Variants in EXT1 observed in about 807,000 individuals in gnomAD.
EXT1 encodes the protein exostosin glycosyltransferase 1, also known as exostosin-1.
Under a neutral mutation model 82.5 loss-of-function variants are expected in EXT1, and 20 were observed. The observed-to-expected ratio is 0.24, with a 90% CI of 0.17 to 0.35. The LOEUF (loss-of-function observed/expected upper bound fraction) is 0.35, where lower values mean the gene tolerates loss of function less well. Ranked by LOEUF, EXT1 falls within the 10% of genes least tolerant of loss-of-function variation. EXT1 has a pLI of 1.00. For missense variants in EXT1, 757 were observed against 936.5 expected (o/e 0.81, Z 2.50); for synonymous variants, 348 against 350.8 (o/e 0.99, Z 0.09).
At chr8:117,832,528 AAAAAG>A (rs569767804) in intron 3 of EXT1, among the ~76,000 whole-genome samples, 4,340 of 151,374 alleles carry the variant, frequency 0.029, 212 homozygotes, top group African/African-American at 0.1. Flanking sequence ...CTTAAAAAAA[AAAAAG>A]AAAAGAAAAG....
At position 117,809,245 on chromosome 8, in the gene EXT1, T is replaced by TATATGTATATATA. The variant is rs1563874289; in HGVS notation, c.1723-1869_1723-1868insTATATATACATAT. Among the ~76,000 whole-genome samples, 89 of 66,080 alleles carry TATATGTATATATA rather than the reference T, an allele frequency of 1.3e-3. 1 individual carries two copies. The highest frequency in any genetic ancestry group is 7.9e-3 in the Admixed American group (37 of 4,712). 43.4% of individuals were successfully genotyped at this position (66,080 alleles called of 152,430 possible). A position where few individuals can be genotyped will look rare whatever the true frequency, so the allele number is the denominator to read the frequency against. ...TATATATATATATATATATATATAT[T>TATATGTATATATA]ATGTTCTATTGATTCTGTTTGCCTG... On this transcript the variant is annotated intron_variant, in intron 8 of 10. Transcript: ENST00000378204.
At chr8:117,829,774 C>A (rs988615656) in intron 4 of EXT1, among the ~76,000 whole-genome samples, 15 of 151,896 alleles carry the variant, frequency 9.9e-5, no homozygotes, top group African/African-American at 3.4e-4. Context: ...GAGGTTTCAC[C>A]ATGTTGGCCA....
chr8:117,919,785 T>A (rs1274062609), intron 1 of EXT1, among the ~76,000 whole-genome samples: 1 of 152,184 alleles, frequency 6.6e-6, no homozygotes, highest in Non-Finnish European at 1.5e-5. Context: ...ATTAAAGCCA[T>A]GAGCTACCAC....
In EXT1 at chr8:117,813,083, C is replaced by T. The variant is rs73318296; in HGVS notation, c.1633-122G>A. On this transcript the variant is annotated intron_variant, in intron 7 of 10. Coordinates refer to ENST00000378204, the MANE Select transcript of EXT1 (RefSeq NM_000127.3). ...TAAAGAATGCGCTACTATCATGTCACCCCTCAACACCGAAGGAATCTCATT... is the reference window on the plus strand; with the variant it reads ...TAAAGAATGCGCTACTATCATGTCATCCCTCAACACCGAAGGAATCTCATT... The T allele has an allele frequency of 5.7e-3, 4,295 of 757,722 alleles. 139 individuals are homozygous for T. The African/African-American group carries it at 0.067, about 12-fold the overall frequency. 46.9% of individuals were successfully genotyped at this position (757,722 alleles called of 1,614,324 possible).
intron 1 of EXT1, among the ~76,000 whole-genome samples, chr8:118,074,457 GT>G (rs1333848503): frequency 6.6e-6 from 1 of 152,214 alleles, no homozygotes; most frequent in Non-Finnish European, 1.5e-5. Context: ...CTGAGCTGTG[GT>G]GCAGGCAGAG....
rs778849200 is a variant in EXT1 at position 118,110,751 on chromosome 8, C to T, written c.296G>A (p.Arg99His). 1.2e-6 allele frequency: 2 copies of T among 1,614,172 alleles called. No homozygotes were observed. The highest frequency in any genetic ancestry group is 2.2e-5 in the South Asian group (2 of 91,082). ...GGTGAAATCGAAGCAGGACTCCATG[C>T]GGCACTTCTTGCCTTTGTAGATGCT... The part of the protein sequence containing the change: ...NSSIYKGKKC[R>H]MESCFDFTLC... Residue 99 changes from arginine to histidine, a missense_variant, in exon 1 of 11, where the codon CGC becomes CAC. Coordinates refer to ENST00000378204, the MANE Select transcript of EXT1 (RefSeq NM_000127.3).
rs1311737711 is a variant in EXT1, at chr8:117,883,144, T to A, written c.963-45943A>T. On this transcript the variant is annotated intron_variant, in intron 1 of 10. Coordinates refer to ENST00000378204, the MANE Select transcript of EXT1 (RefSeq NM_000127.3). ...ATACTAATGCATACTCAATATTCAGTGAGGGGTTCTAACCCAGCTAGCACA... is the reference window on the plus strand; with the variant it reads ...ATACTAATGCATACTCAATATTCAGAGAGGGGTTCTAACCCAGCTAGCACA... 2.0e-5 allele frequency among the ~76,000 whole-genome samples: 3 copies of A among 152,304 alleles called. No individual in the cohort carries two copies. In the East Asian group the frequency reaches 5.8e-4, roughly 29 times the overall value.
intron 1 of EXT1, among the ~76,000 whole-genome samples, chr8:118,014,560 C>T (rs1443054201): frequency 6.6e-6 from 1 of 152,164 alleles, no homozygotes; most frequent in Non-Finnish European, 1.5e-5. Flanking sequence ...ATTAGAATTT[C>T]TGGAGCTGGA....
intron 1 of EXT1, among the ~76,000 whole-genome samples, chr8:117,959,740 G>A (rs564924200): frequency 5.6e-4 from 85 of 152,268 alleles, no homozygotes; most frequent in Admixed American, 5.6e-3. Context: ...AGTGAATCAG[G>A]CACTTGAGCC....
At chr8:117,921,433 A>T (rs1813852859) in intron 1 of EXT1, among the ~76,000 whole-genome samples, 3 of 152,258 alleles carry the variant, frequency 2.0e-5, no homozygotes, top group Admixed American at 2.0e-4. Context: ...ATTTTACTGA[A>T]GGAAACATTA....
intron 1 of EXT1, among the ~76,000 whole-genome samples, chr8:117,998,100 G>A (rs1815586384): frequency 6.8e-6 from 1 of 147,306 alleles, no homozygotes; most frequent in Non-Finnish European, 1.5e-5. Context: ...TGCAACCTCC[G>A]CCTCCTGAGT....
intron 1 of EXT1, among the ~76,000 whole-genome samples, chr8:118,071,895 TC>T (rs17477000): frequency 0.23 from 35,523 of 152,026 alleles, 4,591 homozygotes; most frequent in East Asian, 0.47. Context: ...CAGCATCCTG[TC>T]CCATTTTACA....
chr8:117,832,258 G>A (rs1812113462), intron 3 of EXT1, among the ~76,000 whole-genome samples: 2 of 152,182 alleles, frequency 1.3e-5, no homozygotes, highest in South Asian at 2.1e-4. Flanking sequence ...CGGGCGCGGT[G>A]GCTCAGCCTG....
At chr8:118,029,134 T>C (rs370937251) in intron 1 of EXT1, among the ~76,000 whole-genome samples, 25 of 151,594 alleles carry the variant, frequency 1.6e-4, no homozygotes, top group African/African-American at 5.8e-4. Context: ...GATTCAACAT[T>C]GATGAATATA....
At chr8:117,815,171 C>G (rs974315376) in intron 7 of EXT1, among the ~76,000 whole-genome samples, 1 of 152,228 alleles carries the variant, frequency 6.6e-6, no homozygotes. Context: ...AACGCAGAAA[C>G]CATTAGCTGC....
chr8:117,828,317 G>A (rs1020304125), intron 4 of EXT1, among the ~76,000 whole-genome samples: 4 of 152,028 alleles, frequency 2.6e-5, no homozygotes, highest in East Asian at 1.9e-4. Context: ...TTGGGTAGTC[G>A]AGGCAGGAGG....
intron 1 of EXT1, among the ~76,000 whole-genome samples, chr8:117,839,857 G>C (rs1267077431): frequency 1.1e-4 from 17 of 152,140 alleles, no homozygotes. Flanking sequence ...CATTTCAACA[G>C]ATAGAGTCCA....
At chr8:117,809,470 C>T (rs1290256758) in intron 8 of EXT1, among the ~76,000 whole-genome samples, 1 of 151,444 alleles carries the variant, frequency 6.6e-6, no homozygotes, top group Non-Finnish European at 1.5e-5. Context: ...AACCCTGTCT[C>T]TACTAAAAAT....
In EXT1 at chr8:118,111,461, T is replaced by C. The variant is rs906899435; in HGVS notation, c.-415A>G. 1.9e-4 allele frequency: 103 copies of C among 533,734 alleles called. No individual in the cohort carries two copies. The highest frequency in any genetic ancestry group is 9.2e-5 in the Non-Finnish European group (28 of 305,328). The allele number at this position is 533,734 out of a possible 1,614,324, so 33.1% of individuals were successfully genotyped here. A position where few individuals can be genotyped will look rare whatever the true frequency, so the allele number is the denominator to read the frequency against. Reference sequence around the variant, plus strand: ...GGATTCCTCTCGGCAGCGTGGAAAATGAGCCCCGGGAAGGCAACTTCAACT... The same window carrying C: ...GGATTCCTCTCGGCAGCGTGGAAAACGAGCCCCGGGAAGGCAACTTCAACT... On this transcript the variant is annotated 5_prime_UTR_variant, in exon 1 of 11. Transcript: ENST00000378204.
Sources: gnomAD v4.1 joint callset for allele counts (sites outside exome capture counted in the v4.1 genomes callset) on GRCh38, gnomAD v4.1.1 for gene constraint, MANE v1.5 for transcripts, NCBI Gene and HGNC (gene_info 2026-07-23, HGNC 2026-07-21) for gene names.